The following TRIO variants were observed in gnomAD, a reference collection of about 807,000 sequenced individuals.
TRIO encodes the protein trio Rho guanine nucleotide exchange factor, also known as triple functional domain protein.
Under a neutral mutation model 351.9 loss-of-function variants are expected in TRIO, and 58 were observed. That is an observed-to-expected ratio of 0.16 (90% CI 0.13 to 0.21). The LOEUF is 0.21. Ranked by LOEUF, TRIO falls within the 10% of genes least tolerant of loss-of-function variation. The pLI, the probability that TRIO is intolerant of heterozygous loss-of-function variation, is 1.00. For synonymous variants in TRIO, 1,758 were observed against 1,595.7 expected (o/e 1.10, Z -2.42); for missense variants, 3,201 against 4,027.8 (o/e 0.79, Z 5.56).
intron 11 of TRIO, among the ~76,000 whole-genome samples, chr5:14,352,782 C>T (rs116205010): frequency 0.042 from 6,345 of 152,266 alleles, 152 homozygotes; most frequent in Non-Finnish European, 0.042. Context: ...AGTTCCTTCA[C>T]GGTCTCCTCA....
chr5:14,247,354 A>T (rs202041236), intron 1 of TRIO, among the ~76,000 whole-genome samples: 1 of 152,250 alleles, frequency 6.6e-6, no homozygotes, highest in South Asian at 2.1e-4. Context: ...ACATGTTAAT[A>T]TGCATTTCAG....
intron 13 of TRIO, 128 bp downstream of exon 13, chr5:14,359,659 A>G: frequency 8.8e-7 from 1 of 1,135,148 alleles, no homozygotes; most frequent in Non-Finnish European, 1.2e-6. Flanking sequence ...CCTCTGCACC[A>G]GGAGGGGGTG....
At chr5:14,410,211 T>C (rs981536775) in intron 33 of TRIO, among the ~76,000 whole-genome samples, 1 of 152,194 alleles carries the variant, frequency 6.6e-6, no homozygotes, top group African/African-American at 2.4e-5. Context: ...ATTTGGAATT[T>C]GGAGAGGACG....
At chr5:14,147,616 ACTC>A (rs796416408) in intron 1 of TRIO, among the ~76,000 whole-genome samples, 4 of 151,998 alleles carry the variant, frequency 2.6e-5, no homozygotes, top group African/African-American at 4.8e-5. Context: ...ATCTTACTCG[ACTC>A]CTCCTGCAGC....
chr5:14,174,616 C>T (rs1378485284), intron 1 of TRIO, among the ~76,000 whole-genome samples: 3 of 152,176 alleles, frequency 2.0e-5, no homozygotes, highest in Non-Finnish European at 4.4e-5. Context: ...GGCCTGAACC[C>T]TTGCCCCAAG....
At chr5:14,479,176 A>T in intron 41 of TRIO, 85 bp from the exon 42 acceptor site, 1 of 1,126,572 alleles carries the variant, frequency 8.9e-7, no homozygotes, top group Non-Finnish European at 1.3e-6. Context: ...TGCCTTTATG[A>T]ATGTGCTGAA....
intron 1 of TRIO, among the ~76,000 whole-genome samples, chr5:14,224,166 CATT>C (rs1461410525): frequency 6.6e-6 from 1 of 151,922 alleles, no homozygotes; most frequent in African/African-American, 2.4e-5. Context: ...TGGAAGAACA[CATT>C]ATTATTATAT....
chr5:14,190,483 G>A (rs1337597010), intron 1 of TRIO, among the ~76,000 whole-genome samples: 1 of 152,218 alleles, frequency 6.6e-6, no homozygotes, highest in Non-Finnish European at 1.5e-5. Flanking sequence ...GTCTATTCCT[G>A]TAAAGAAATC....
intron 31 of TRIO, among the ~76,000 whole-genome samples, chr5:14,403,683 TGG>T (rs1239056412): frequency 8.3e-6 from 1 of 120,742 alleles, no homozygotes. Flanking sequence ...AGGGTGCAGG[TGG>T]TGGTGAGGGT....
At chr5:14,196,951 A>G (rs1790812597) in intron 1 of TRIO, among the ~76,000 whole-genome samples, 1 of 152,206 alleles carries the variant, frequency 6.6e-6, no homozygotes, top group African/African-American at 2.4e-5. Flanking sequence ...GTGAGTCTAA[A>G]TTGATTTCTT....
chr5:14,434,461 G>A (rs1751427316), intron 34 of TRIO, among the ~76,000 whole-genome samples: 1 of 151,248 alleles, frequency 6.6e-6, no homozygotes, highest in Admixed American at 6.6e-5. Context: ...TTAGCTATTT[G>A]CATTTAAATA....
intron 26 of TRIO, chr5:14,390,524 G>A: frequency 5.2e-6 from 3 of 576,580 alleles, no homozygotes; most frequent in Non-Finnish European, 9.1e-6. Flanking sequence ...TATTTAGTGT[G>A]CCAGGTCTCC....
intron 33 of TRIO, among the ~76,000 whole-genome samples, chr5:14,413,679 A>G (rs1749390829): frequency 6.6e-6 from 1 of 152,242 alleles, no homozygotes; most frequent in Non-Finnish European, 1.5e-5. Context: ...AATCAGAAAA[A>G]CAAAATCCCC....
At chr5:14,348,625 T>C (rs1270235642) in intron 11 of TRIO, among the ~76,000 whole-genome samples, 1 of 152,288 alleles carries the variant, frequency 6.6e-6, no homozygotes. Flanking sequence ...CCTGCATGTG[T>C]GTACACAAAC....
chr5:14,345,029 T>G (rs940666031), intron 11 of TRIO, among the ~76,000 whole-genome samples: 1 of 152,232 alleles, frequency 6.6e-6, no homozygotes, highest in Admixed American at 6.5e-5. Context: ...GCATTTGTAC[T>G]GGCCAGTGGG....
intron 47 of TRIO, among the ~76,000 whole-genome samples, chr5:14,486,646 A>G (rs1217328213): frequency 6.6e-6 from 1 of 152,186 alleles, no homozygotes; most frequent in Non-Finnish European, 1.5e-5. Flanking sequence ...ATGGTCTGTG[A>G]TGTCAGAGTT....
chr5:14,239,771 G>A (rs434900), intron 1 of TRIO, among the ~76,000 whole-genome samples: 2,487 of 152,248 alleles, frequency 0.016, 83 homozygotes, highest in African/African-American at 0.057. Flanking sequence ...TTAGAACAGA[G>A]GCGCAAAATT....
At chr5:14,349,942 T>C (rs1361789101) in intron 11 of TRIO, among the ~76,000 whole-genome samples, 1 of 152,226 alleles carries the variant, frequency 6.6e-6, no homozygotes, top group African/African-American at 2.4e-5. Context: ...GTATTCTTAC[T>C]GTTTAGCTCC....
chr5:14,230,974 T>C (rs1211572667), intron 1 of TRIO, among the ~76,000 whole-genome samples: 5 of 152,208 alleles, frequency 3.3e-5, no homozygotes, highest in Non-Finnish European at 1.5e-5. Flanking sequence ...TGTTGGAGGA[T>C]TAAATTTGCA....
Sources: allele counts gnomAD v4.1 joint callset (sites outside exome capture counted in the v4.1 genomes callset), GRCh38; gene constraint gnomAD v4.1.1; transcripts MANE v1.5; gene names NCBI Gene and HGNC (gene_info 2026-07-23, HGNC 2026-07-21).